The following MMUT variants were observed in gnomAD, a reference collection of about 807,000 sequenced individuals.
The protein encoded by MMUT is methylmalonyl-CoA mutase.
In MMUT, 79 loss-of-function variants were observed where a neutral mutation model predicts 79.9. That is an observed-to-expected ratio of 0.99 (90% CI 0.82 to 1.19). The LOEUF (loss-of-function observed/expected upper bound fraction) is 1.19. Ranked by LOEUF, MMUT falls within the 50% of genes most tolerant of loss-of-function variation. The pLI is 0.00. For missense variants in MMUT, 860 were observed against 917.2 expected (o/e 0.94, Z 0.81); for synonymous variants, 273 against 295.7 (o/e 0.92, Z 0.79).
At chr6:49,443,704 T>C in intron 9 of MMUT, 1 of 352,422 alleles carries the variant, frequency 2.8e-6, no homozygotes, top group Non-Finnish European at 5.6e-6. Context: ...AAGTGCCATA[T>C]TCTGTTCCAG....
Position 49,448,903 on chromosome 6 carries a change from C to T in MMUT, c.1357G>A (p.Gly453Ser), listed in dbSNP as rs1022821298. ...TCAGCTACAGCTTTGGCCATTCCAC[C>T]CATTTCTTCAATTTCATTAATGAGC... Reference protein sequence around the residue: ...LKLINEIEEMGGMAKAVAEGI... With the variant: ...LKLINEIEEMSGMAKAVAEGI... The change falls in exon 7 of 13, where the codon GGT becomes AGT. Residue 453 changes from glycine (G) to serine (S), a missense_variant. Transcript: ENST00000274813. 1 of 1,612,644 alleles carries T rather than the reference C, an allele frequency of 6.2e-7. No individual in the cohort carries two copies. The highest frequency in any genetic ancestry group is 8.5e-7 in the Non-Finnish European group (1 of 1,179,188).
At chr6:49,442,107 A>G in intron 9 of MMUT, 136 bp from the exon 10 acceptor site, 1 of 1,021,104 alleles carries the variant, frequency 9.8e-7, no homozygotes, top group Middle Eastern at 3.0e-4. Context: ...GAATTTTTTA[A>G]TGCATTATGA....
chr6:49,440,452 T>A, intron 10 of MMUT, 99 bp from the exon 11 acceptor site: 3 of 1,257,784 alleles, frequency 2.4e-6, no homozygotes, highest in Admixed American at 4.3e-5. Flanking sequence ...CAAGTTTATT[T>A]AAAAGCACCT....
chr6:49,453,888 A>T, intron 4 of MMUT, 132 bp from the exon 5 acceptor site: 1 of 775,650 alleles, frequency 1.3e-6, no homozygotes, highest in Non-Finnish European at 2.1e-6. Context: ...TTGAATTAAG[A>T]TCAGTGCACG....
intron 12 of MMUT, among the ~76,000 whole-genome samples, chr6:49,432,516 T>C (rs1389777021): frequency 1.3e-5 from 2 of 152,050 alleles, no homozygotes; most frequent in Non-Finnish European, 2.9e-5. Flanking sequence ...GCCTTCCAAG[T>C]AGCTGTGGCT....
chr6:49,452,960 C>A lies in MMUT; in HGVS notation c.1083+625G>T, dbSNP rs1032612932. Reference sequence around the variant, plus strand: ...GGCAGTTTTATGTTAAGAATTATAACTCTTACAATTATATGAGAGTACTAA... The same window carrying A: ...GGCAGTTTTATGTTAAGAATTATAAATCTTACAATTATATGAGAGTACTAA... On this transcript the variant is annotated intron_variant, in intron 5 of 12. Transcript: ENST00000274813. Among the ~76,000 whole-genome samples, 12 of 151,094 alleles carry A rather than the reference C, an allele frequency of 7.9e-5. No individual in the cohort carries two copies. The East Asian group carries it at 2.3e-3, about 29-fold the overall frequency.
At chr6:49,435,246 A>C (rs888918244) in intron 12 of MMUT, among the ~76,000 whole-genome samples, 4 of 152,214 alleles carry the variant, frequency 2.6e-5, no homozygotes, top group Non-Finnish European at 4.4e-5. Flanking sequence ...AAGCTTTGTA[A>C]AGTGTTAAGT....
At chr6:49,435,945 AC>A (rs1235272066) in intron 11 of MMUT, among the ~76,000 whole-genome samples, 1 of 152,184 alleles carries the variant, frequency 6.6e-6, no homozygotes, top group Admixed American at 6.5e-5. Context: ...TTACAAAAAA[AC>A]ATTAAAAAGC....
chr6:49,448,856 A>G lies in MMUT; in HGVS notation c.1404T>C (p.Ile468=). Residue 468 remains isoleucine (I), a synonymous_variant, in exon 7 of 13, where the codon ATT becomes ATC. Transcript: ENST00000274813. The part of the protein sequence containing the change: ...AVAEGIPKLR[I]EECAARRQAR... ...CTTGTCTTCGGGCAGCACATTCTTCAATTCGAAGTTTAGGTATTCCCTCAG... is the reference window on the plus strand; with the variant it reads ...CTTGTCTTCGGGCAGCACATTCTTCGATTCGAAGTTTAGGTATTCCCTCAG... 6.2e-7 allele frequency: 1 copy of G among 1,613,588 alleles called. No individual in the cohort carries two copies. Among genetic ancestry groups the G allele is most frequent in the African/African-American group, 1.3e-5 (1 of 74,988 alleles).
At chr6:49,434,831 G>T (rs942904420) in intron 12 of MMUT, among the ~76,000 whole-genome samples, 1 of 152,078 alleles carries the variant, frequency 6.6e-6, no homozygotes, top group Non-Finnish European at 1.5e-5. Flanking sequence ...AAGACAAGCT[G>T]ATTCCATTTA....
chr6:49,447,639 A>T (rs572633356), intron 8 of MMUT, 31 bp downstream of exon 8: 108 of 489,740 alleles, frequency 2.2e-4, no homozygotes, highest in East Asian at 3.5e-4. Flanking sequence ...GAAAATACTT[A>T]AAAAAAAAAA....
At chr6:49,459,643 ATATTT>A in intron 1 of MMUT, 138 bp from the exon 2 acceptor site, 1 of 721,044 alleles carries the variant, frequency 1.4e-6, no homozygotes. Flanking sequence ...CCTGCACCTG[ATATTT>A]TATAACTTTG....
At chr6:49,458,258 C>T (rs1388408921) in intron 2 of MMUT, among the ~76,000 whole-genome samples, 200 bp from the exon 3 acceptor site, 2 of 151,906 alleles carry the variant, frequency 1.3e-5, no homozygotes, top group African/African-American at 2.4e-5. Flanking sequence ...TTCCCTTGTG[C>T]CAAAATGCAC....
At chr6:49,462,101 A>G (rs1415917163) in intron 1 of MMUT, among the ~76,000 whole-genome samples, 1 of 152,216 alleles carries the variant, frequency 6.6e-6, no homozygotes, top group Non-Finnish European at 1.5e-5. Context: ...CTGGAAACAG[A>G]CACCATTTTT....
intron 4 of MMUT, among the ~76,000 whole-genome samples, chr6:49,454,053 A>T (rs1767626862): frequency 6.6e-6 from 1 of 152,230 alleles, no homozygotes; most frequent in African/African-American, 2.4e-5. Context: ...CAATTTATTT[A>T]AAAAATGTAT....
intron 9 of MMUT, among the ~76,000 whole-genome samples, chr6:49,442,695 C>A (rs185312350): frequency 1.3e-5 from 2 of 151,976 alleles, no homozygotes; most frequent in Non-Finnish European, 2.9e-5. Flanking sequence ...CCCAAGGGAA[C>A]ATAAAACAGT....
At chr6:49,438,011 T>C (rs1441374240) in intron 11 of MMUT, among the ~76,000 whole-genome samples, 1 of 152,110 alleles carries the variant, frequency 6.6e-6, no homozygotes, top group African/African-American at 2.4e-5. Context: ...TTATAGTAAT[T>C]TTCATACTAT....
intron 4 of MMUT, among the ~76,000 whole-genome samples, chr6:49,454,356 G>A (rs1767634440): frequency 6.6e-6 from 1 of 152,182 alleles, no homozygotes; most frequent in Non-Finnish European, 1.5e-5. Flanking sequence ...TGCACAGGCT[G>A]GAGTGCAATG....
At chr6:49,456,027 TG>T in intron 4 of MMUT, 52 bp downstream of exon 4, 1 of 1,387,584 alleles carries the variant, frequency 7.2e-7, no homozygotes, top group Non-Finnish European at 1.0e-6. Flanking sequence ...ATATATAAAA[TG>T]GTCCTATGCA....
Sources: gnomAD v4.1 joint callset for allele counts (sites outside exome capture counted in the v4.1 genomes callset) on GRCh38, gnomAD v4.1.1 for gene constraint, MANE v1.5 for transcripts, NCBI Gene and HGNC (gene_info 2026-07-23, HGNC 2026-07-21) for gene names.